Variants in CENPW observed in about 807,000 individuals in gnomAD.
CENPW encodes cancer-up-regulated gene 2 protein.
CENPW carries 3 observed loss-of-function variants against 11.1 expected under a neutral mutation model. The observed-to-expected ratio is 0.27, with a 90% CI of 0.12 to 0.70. The LOEUF is 0.70. Among genes scored for constraint, CENPW ranks in the 30% least tolerant of loss-of-function variants. The pLI, the probability that CENPW is intolerant of heterozygous loss-of-function variation, is 0.77. For synonymous variants in CENPW, 38 were observed against 42.0 expected (o/e 0.91, Z 0.37); for missense variants, 100 against 105.6 (o/e 0.95, Z 0.23).
the CENPW span, among the ~76,000 whole-genome samples, chr6:126,364,290 C>T: frequency 3.9e-5 from 6 of 152,266 alleles, no homozygotes; most frequent in Admixed American, 6.5e-5. Context: ...CCTTGTGTCA[C>T]GTTCAAAGGA....
At chr6:126,465,728 T>C in the CENPW span, among the ~76,000 whole-genome samples, 1 of 151,956 alleles carries the variant, frequency 6.6e-6, no homozygotes, top group African/African-American at 2.4e-5. Flanking sequence ...ACATAGAGAA[T>C]TGATTTTGAC....
chr6:126,477,265 A>G, the CENPW span, among the ~76,000 whole-genome samples: 1 of 152,026 alleles, frequency 6.6e-6, no homozygotes, highest in African/African-American at 2.4e-5. Flanking sequence ...AGTATCACTG[A>G]TAGGATTGAA....
the CENPW span, among the ~76,000 whole-genome samples, chr6:126,411,327 G>A: frequency 6.6e-6 from 1 of 152,170 alleles, no homozygotes; most frequent in Non-Finnish European, 1.5e-5. Flanking sequence ...TTAATGCCCT[G>A]GATGTCAAGT....
the CENPW span, among the ~76,000 whole-genome samples, chr6:126,408,842 T>C: frequency 2.0e-5 from 3 of 152,122 alleles, no homozygotes; most frequent in Non-Finnish European, 4.4e-5. Flanking sequence ...TCTAATTTAT[T>C]TGTGTGAGTC....
At chr6:126,389,315 T>C in the CENPW span, among the ~76,000 whole-genome samples, 1 of 151,926 alleles carries the variant, frequency 6.6e-6, no homozygotes, top group African/African-American at 2.4e-5. Context: ...AATTTTACTG[T>C]AAGAGTACTT....
At chr6:126,482,013 TTTTC>T in the CENPW span, among the ~76,000 whole-genome samples, 3 of 152,096 alleles carry the variant, frequency 2.0e-5, no homozygotes, top group Admixed American at 2.0e-4. Context: ...TTTTGCCCAT[TTTTC>T]TTTGTGTTGT....
At chr6:126,369,110 CA>C in the CENPW span, among the ~76,000 whole-genome samples, 3 of 114,096 alleles carry the variant, frequency 2.6e-5, no homozygotes, top group African/African-American at 8.3e-5. Flanking sequence ...CTGCAAATGC[CA>C]TTTTTTTTTT....
the CENPW span, among the ~76,000 whole-genome samples, chr6:126,393,658 G>T: frequency 6.7e-6 from 1 of 150,362 alleles, no homozygotes; most frequent in South Asian, 2.1e-4. Context: ...TATTATTTCC[G>T]TTTTTTGGAA....
the CENPW span, among the ~76,000 whole-genome samples, chr6:126,408,678 G>T: frequency 6.6e-6 from 1 of 152,106 alleles, no homozygotes; most frequent in African/African-American, 2.4e-5. Flanking sequence ...ATCTGTTCAG[G>T]TTTTGTATTT....
chr6:126,464,477 T>C, the CENPW span, among the ~76,000 whole-genome samples: 1 of 152,196 alleles, frequency 6.6e-6, no homozygotes, highest in South Asian at 2.1e-4. Context: ...TCTGGGTGGG[T>C]ATCATCTAAT....
the CENPW span, among the ~76,000 whole-genome samples, chr6:126,376,449 C>G: frequency 0.011 from 1,745 of 152,172 alleles, 26 homozygotes; most frequent in Non-Finnish European, 0.015. Flanking sequence ...ACCCCTAATA[C>G]GGAATTGTAT....
the CENPW span, among the ~76,000 whole-genome samples, chr6:126,414,805 AAAAGAT>A: frequency 6.6e-6 from 1 of 151,872 alleles, no homozygotes; most frequent in African/African-American, 2.4e-5. Flanking sequence ...AAACTAAAAA[AAAAGAT>A]GAAGAAAATG....
the CENPW span, among the ~76,000 whole-genome samples, chr6:126,481,090 T>C: frequency 6.6e-6 from 1 of 152,004 alleles, no homozygotes; most frequent in Non-Finnish European, 1.5e-5. Context: ...CATAATAAAT[T>C]ATAACTAATT....
At chr6:126,400,031 T>C in the CENPW span, among the ~76,000 whole-genome samples, 4 of 152,132 alleles carry the variant, frequency 2.6e-5, no homozygotes, top group Non-Finnish European at 4.4e-5. Flanking sequence ...TGCTTCCATT[T>C]TGGAGTTCTT....
At chr6:126,437,832 G>A in the CENPW span, among the ~76,000 whole-genome samples, 1 of 151,576 alleles carries the variant, frequency 6.6e-6, no homozygotes, top group Non-Finnish European at 1.5e-5. Flanking sequence ...ATTTCTGCGG[G>A]ACCCAAAACA....
the CENPW span, among the ~76,000 whole-genome samples, chr6:126,470,316 A>T: frequency 2.6e-5 from 4 of 152,340 alleles, no homozygotes; most frequent in Non-Finnish European, 5.9e-5. Context: ...ATTGGTTCAG[A>T]GGCTACAAGC....
At chr6:126,357,606 GTTC>G in the CENPW span, among the ~76,000 whole-genome samples, 1 of 151,504 alleles carries the variant, frequency 6.6e-6, no homozygotes, top group Non-Finnish European at 1.5e-5. Context: ...ATATTTCATA[GTTC>G]TTTTTTTTTT....
chr6:126,370,393 T>A, the CENPW span, among the ~76,000 whole-genome samples: 2 of 152,202 alleles, frequency 1.3e-5, no homozygotes, highest in African/African-American at 4.8e-5. Flanking sequence ...TACCCATCCA[T>A]GAGCATGGAA....
chr6:126,469,255 G>A, the CENPW span, among the ~76,000 whole-genome samples: 1 of 152,052 alleles, frequency 6.6e-6, no homozygotes, highest in Non-Finnish European at 1.5e-5. Context: ...GACAGTGAGG[G>A]GGTTCTCACA....
Sources: allele counts gnomAD v4.1 joint callset (sites outside exome capture counted in the v4.1 genomes callset), GRCh38; gene constraint gnomAD v4.1.1; transcripts MANE v1.5; gene names NCBI Gene and HGNC (gene_info 2026-07-23, HGNC 2026-07-21).